TMEM232: variants seen among roughly 807,000 people sequenced by gnomAD.
TMEM232 encodes the protein transmembrane protein 232.
In TMEM232, 80 loss-of-function variants were observed where a neutral mutation model predicts 78.8. That is an observed-to-expected ratio of 1.01 (90% CI 0.85 to 1.22). The LOEUF (loss-of-function observed/expected upper bound fraction) is 1.22. Among genes scored for constraint, TMEM232 ranks in the 50% most tolerant of loss-of-function variants. The probability of loss-of-function intolerance (pLI) is 0.00; values close to 1 mark genes in which losing one functional copy is unlikely to be tolerated. For synonymous variants in TMEM232, 297 were observed against 254.3 expected (o/e 1.17, Z -1.60); for missense variants, 881 against 742.2 (o/e 1.19, Z -2.17).
chr5:110,626,913 C>T (rs1167008003), intron 6 of TMEM232, among the ~76,000 whole-genome samples: 1 of 152,018 alleles, frequency 6.6e-6, no homozygotes, highest in Non-Finnish European at 1.5e-5. Context: ...CACCAATAAT[C>T]CATTAAATGT....
intron 1 of TMEM232, among the ~76,000 whole-genome samples, chr5:110,680,269 A>T (rs1052468756): frequency 2.8e-4 from 42 of 152,044 alleles, no homozygotes; most frequent in Non-Finnish European, 5.9e-5. Context: ...GTGGTGGCAC[A>T]TGCCTGTAAT....
At chr5:110,636,078 T>A (rs1354150308) in intron 5 of TMEM232, among the ~76,000 whole-genome samples, 1 of 151,984 alleles carries the variant, frequency 6.6e-6, no homozygotes, top group Non-Finnish European at 1.5e-5. Context: ...CAATACAATT[T>A]GGCAATAAAA....
intron 12 of TMEM232, among the ~76,000 whole-genome samples, chr5:110,462,019 A>G (rs1360570618): frequency 6.6e-6 from 1 of 152,234 alleles, no homozygotes; most frequent in Non-Finnish European, 1.5e-5. Context: ...TCCAGAGCCC[A>G]TGAATCAAGG....
In TMEM232 at chr5:110,451,770, T is replaced by C. The variant is rs527935451; in HGVS notation, c.1704-26854A>G. ...CCCTTTACTTTTCTTGTAGCATTTA[T>C]TATTTATTAGTATCATAGGTAGTTA... is the stretch of plus-strand genomic sequence containing the variant. On this transcript the variant is annotated intron_variant, in intron 12 of 13. Coordinates refer to ENST00000455884, the MANE Select transcript of TMEM232 (RefSeq NM_001039763.4). Among the ~76,000 whole-genome samples the C allele has an allele frequency of 3.3e-5, 5 of 152,250 alleles. No homozygotes were observed. In the East Asian group the frequency reaches 7.7e-4, roughly 23 times the overall value.
intron 12 of TMEM232, among the ~76,000 whole-genome samples, chr5:110,447,250 G>A (rs1759761115): frequency 6.6e-6 from 1 of 151,848 alleles, no homozygotes; most frequent in Non-Finnish European, 1.5e-5. Flanking sequence ...TTGCCTCTTA[G>A]AACAAATGAA....
downstream of TMEM232, among the ~76,000 whole-genome samples, chr5:110,414,901 A>C (rs1286157760): frequency 6.6e-6 from 1 of 152,194 alleles, no homozygotes; most frequent in Admixed American, 6.5e-5. Flanking sequence ...GCACTGAAGT[A>C]GATCTAATTT....
chr5:110,499,218 A>G (rs1011130215), intron 12 of TMEM232, among the ~76,000 whole-genome samples: 7 of 152,164 alleles, frequency 4.6e-5, no homozygotes, highest in Admixed American at 1.3e-4. Flanking sequence ...CAATCATAGT[A>G]AATTTTACAT....
At chr5:110,431,043 A>G (rs182516009) in intron 12 of TMEM232, among the ~76,000 whole-genome samples, 2 of 151,798 alleles carry the variant, frequency 1.3e-5, no homozygotes, top group Non-Finnish European at 3.0e-5. Flanking sequence ...AAGCCAGGAG[A>G]GTACTTGGCA....
intron 12 of TMEM232, among the ~76,000 whole-genome samples, chr5:110,475,674 G>C (rs1216796333): frequency 6.6e-6 from 1 of 151,782 alleles, no homozygotes; most frequent in Non-Finnish European, 1.5e-5. Flanking sequence ...AAAGTGGCTA[G>C]TTTGTTTGCA....
intron 11 of TMEM232, among the ~76,000 whole-genome samples, chr5:110,556,769 C>G (rs1775140985): frequency 6.6e-6 from 1 of 152,102 alleles, no homozygotes; most frequent in Non-Finnish European, 1.5e-5. Context: ...TGATGAGGTT[C>G]CCTTTGTAAG....
chr5:110,443,160 C>G (rs1223280798), intron 12 of TMEM232, among the ~76,000 whole-genome samples: 2 of 152,160 alleles, frequency 1.3e-5, no homozygotes, highest in African/African-American at 2.4e-5. Flanking sequence ...TTGTGTCCTT[C>G]CCTTCAGGAC....
chr5:110,537,858 T>C lies in TMEM232; in HGVS notation c.1456-9023A>G, dbSNP rs968941112. On this transcript the variant is annotated intron_variant, in intron 11 of 13. Coordinates refer to ENST00000455884, the MANE Select transcript of TMEM232 (RefSeq NM_001039763.4). Reference sequence around the variant, plus strand: ...CTTTCCAAACTTTGGCCTTAGCCGTTGCTCTCTCATGGAGAGATGTTCAAT... The same window carrying C: ...CTTTCCAAACTTTGGCCTTAGCCGTCGCTCTCTCATGGAGAGATGTTCAAT... Among the ~76,000 whole-genome samples, 4 of 152,244 alleles carry C rather than the reference T, an allele frequency of 2.6e-5. No homozygotes were observed. In the South Asian group the frequency reaches 8.3e-4, roughly 32 times the overall value.
At chr5:110,449,351 C>G (rs1218643937) in intron 12 of TMEM232, among the ~76,000 whole-genome samples, 1 of 151,700 alleles carries the variant, frequency 6.6e-6, no homozygotes, top group Non-Finnish European at 1.5e-5. Flanking sequence ...ATATTCATAC[C>G]CATAACGATT....
intron 2 of TMEM232, among the ~76,000 whole-genome samples, chr5:110,666,176 A>C (rs945012829): frequency 3.3e-5 from 5 of 152,176 alleles, no homozygotes; most frequent in African/African-American, 7.2e-5. Flanking sequence ...AATTTGTTTA[A>C]ATGCAGAATC....
chr5:110,572,345 T>C (rs1320839191), intron 10 of TMEM232, among the ~76,000 whole-genome samples: 2 of 151,982 alleles, frequency 1.3e-5, no homozygotes, highest in Non-Finnish European at 2.9e-5. Flanking sequence ...TCAATATAAG[T>C]AAGGAAACAC....
chr5:110,545,701 T>C (rs1773682897), intron 11 of TMEM232, among the ~76,000 whole-genome samples: 2 of 152,234 alleles, frequency 1.3e-5, no homozygotes, highest in South Asian at 2.1e-4. Flanking sequence ...ACAAATTTTG[T>C]TTTAAAGATT....
chr5:110,687,662 A>G (rs1019502299), intron 1 of TMEM232, among the ~76,000 whole-genome samples: 1 of 151,950 alleles, frequency 6.6e-6, no homozygotes, highest in African/African-American at 2.4e-5. Context: ...TTCTATTACA[A>G]AGTCAAATTT....
intron 12 of TMEM232, among the ~76,000 whole-genome samples, chr5:110,505,380 T>C (rs1489285973): frequency 6.6e-6 from 1 of 152,168 alleles, no homozygotes; most frequent in Admixed American, 6.6e-5. Flanking sequence ...GTGATCATGA[T>C]GGTTAGGGGA....
intron 12 of TMEM232, among the ~76,000 whole-genome samples, chr5:110,503,880 G>A (rs1426868406): frequency 6.6e-6 from 1 of 152,198 alleles, no homozygotes; most frequent in East Asian, 1.9e-4. Flanking sequence ...GGACAATGAT[G>A]CCTTGACTTT....
Sources: gnomAD v4.1 joint callset for allele counts (sites outside exome capture counted in the v4.1 genomes callset) on GRCh38, gnomAD v4.1.1 for gene constraint, MANE v1.5 for transcripts, NCBI Gene and HGNC (gene_info 2026-07-23, HGNC 2026-07-21) for gene names.